Variants in TRHDE observed in about 807,000 individuals in gnomAD.
The protein encoded by TRHDE is thyrotropin releasing hormone degrading enzyme.
A neutral mutation model predicts 125.7 loss-of-function variants in TRHDE; 72 were observed. The ratio of observed to expected loss-of-function variants is 0.57; its 90% confidence interval spans 0.47 to 0.70. TRHDE has a LOEUF of 0.70. Among genes scored for constraint, TRHDE ranks in the 30% least tolerant of loss-of-function variants. The probability of loss-of-function intolerance (pLI) is 0.00; values close to 1 mark genes in which losing one functional copy is unlikely to be tolerated. For missense variants in TRHDE, 1,110 were observed against 1,327.1 expected (o/e 0.84, Z 2.54); for synonymous variants, 509 against 509.1 (o/e 1.00, Z 0.00).
chr12:72,317,927 G>A (rs964781949), intron 2 of TRHDE, among the ~76,000 whole-genome samples: 2 of 152,144 alleles, frequency 1.3e-5, no homozygotes, highest in East Asian at 1.9e-4. Flanking sequence ...GCTGAAGAAC[G>A]AGGCACAGGT....
At chr12:72,462,679 T>C (rs960439085) in intron 3 of TRHDE, among the ~76,000 whole-genome samples, 5 of 152,228 alleles carry the variant, frequency 3.3e-5, no homozygotes, top group South Asian at 2.1e-4. Flanking sequence ...TTCGCTTAGA[T>C]ACTAATTTTC....
At chr12:72,408,390 C>T (rs745772535) in intron 3 of TRHDE, among the ~76,000 whole-genome samples, 4 of 152,088 alleles carry the variant, frequency 2.6e-5, no homozygotes, top group Non-Finnish European at 5.9e-5. Flanking sequence ...TTCTCAGTAT[C>T]CATAGAAACC....
intron 2 of TRHDE, among the ~76,000 whole-genome samples, chr12:72,210,199 T>TATCTATCTATCTATCTATCTATC (rs35245091): frequency 5.0e-4 from 76 of 151,982 alleles, no homozygotes; most frequent in East Asian, 9.7e-4. Context: ...TCTATCTATC[T>TATCTATCTATCTATCTATCTATC]ATCTATCTAC....
intron 2 of TRHDE, among the ~76,000 whole-genome samples, chr12:72,204,559 T>G (rs1241359503): frequency 6.6e-6 from 1 of 152,172 alleles, no homozygotes; most frequent in Non-Finnish European, 1.5e-5. Context: ...CTAACTTAAT[T>G]GATTAATTAT....
rs187949759 is a variant in TRHDE at position 72,621,384 on chromosome 12, C to A, written c.2567+179C>A. The A allele has an allele frequency of 4.2e-4, 251 of 591,114 alleles. 2 individuals carry two copies. The highest frequency in any genetic ancestry group is 2.8e-3 in the Admixed American group (86 of 30,310). The allele number at this position is 591,114 out of a possible 1,614,324, so 36.6% of individuals were successfully genotyped here. A position where few individuals can be genotyped will look rare whatever the true frequency, so the allele number is the denominator to read the frequency against. On this transcript the variant is annotated intron_variant, in intron 14 of 18. Transcript: ENST00000261180. ...AGTTTCCATTGCCTGATCCTGAGAA[C>A]AAAGACGTTTCCTTGCTGTGTTTTA...
intron 3 of TRHDE, among the ~76,000 whole-genome samples, chr12:72,395,866 C>A (rs1273546935): frequency 6.6e-6 from 1 of 152,160 alleles, no homozygotes; most frequent in Non-Finnish European, 1.5e-5. Context: ...TCCCTTCAAA[C>A]CTCTAGTATA....
chr12:72,195,537 G>GT (rs1175437178), intron 2 of TRHDE, among the ~76,000 whole-genome samples: 3 of 152,010 alleles, frequency 2.0e-5, no homozygotes, highest in African/African-American at 7.2e-5. Context: ...TTGGCCACTT[G>GT]TATGTCTTAT....
At chr12:72,532,539 T>C (rs900831913) in intron 6 of TRHDE, among the ~76,000 whole-genome samples, 1 of 151,200 alleles carries the variant, frequency 6.6e-6, no homozygotes, top group African/African-American at 2.4e-5. Flanking sequence ...TTTTAAAGAT[T>C]GCCTTTATTG....
At chr12:72,215,816 G>A (rs563360593) in intron 2 of TRHDE, among the ~76,000 whole-genome samples, 1 of 152,246 alleles carries the variant, frequency 6.6e-6, no homozygotes, top group African/African-American at 2.4e-5. Flanking sequence ...GCTCAGAAAT[G>A]GTTGGAGTCT....
At chr12:72,620,454 C>A (rs78692160) in intron 13 of TRHDE, among the ~76,000 whole-genome samples, 3 of 150,878 alleles carry the variant, frequency 2.0e-5, no homozygotes, top group Admixed American at 6.6e-5. Context: ...ATCTGAGAGG[C>A]GGAGGATGCA....
chr12:72,378,279 A>G (rs1175447673), intron 3 of TRHDE, among the ~76,000 whole-genome samples, 158 bp downstream of exon 3: 4 of 152,198 alleles, frequency 2.6e-5, no homozygotes, highest in Admixed American at 1.3e-4. Flanking sequence ...GAGGTAAAAT[A>G]AGATTTAGTG....
rs140101328 is a variant in TRHDE at position 72,255,194 on chromosome 12, G to T, written n.280-122801G>T. The T allele has an allele frequency of 1.4e-4, 22 of 152,232 alleles. No homozygotes were observed. In the East Asian group the frequency reaches 3.3e-3, roughly 23 times the overall value. The allele number at this position is 152,232 out of a possible 1,614,324, so 9.4% of individuals were successfully genotyped here. On this transcript the variant is annotated intron_variant and non_coding_transcript_variant, in intron 2 of 4. Coordinates refer to the TRHDE transcript ENST00000548156. ...AGCTTTTGCCATCTTAATAAATTGC[G>T]AAGTGGTTTCACCAATAACCAATCC...
intron 2 of TRHDE, among the ~76,000 whole-genome samples, chr12:72,361,045 G>T (rs1224350887): frequency 6.6e-6 from 1 of 151,606 alleles, no homozygotes; most frequent in African/African-American, 2.4e-5. Flanking sequence ...TGTTCTCATT[G>T]TTCGGCTCCC....
At chr12:72,185,485 A>C (rs1877187473) in intron 2 of TRHDE, among the ~76,000 whole-genome samples, 1 of 152,246 alleles carries the variant, frequency 6.6e-6, no homozygotes, top group Non-Finnish European at 1.5e-5. Context: ...TGCGGGATCC[A>C]CTAGGTGAAG....
intron 2 of TRHDE, among the ~76,000 whole-genome samples, chr12:72,238,639 C>T (rs12314809): frequency 0.045 from 6,748 of 151,438 alleles, 392 homozygotes; most frequent in African/African-American, 0.13. Flanking sequence ...TGAGAACATG[C>T]GGTGTTTGGT....
intron 6 of TRHDE, among the ~76,000 whole-genome samples, chr12:72,502,228 C>T (rs1008094730): frequency 7.9e-5 from 12 of 151,940 alleles, no homozygotes; most frequent in Non-Finnish European, 1.3e-4. Flanking sequence ...TCTCTACTTT[C>T]CTAAGGTAGA....
rs1327066718 is a variant in TRHDE at position 72,670,055 on chromosome 12, A to G, written c.*6860A>G. ...TTATTAGATAATCTTTAAAAATATT[A>G]TGAACTATTTTGAGTGGACCTAAAT... On this transcript the variant is annotated 3_prime_UTR_variant, in exon 19 of 19. Transcript: ENST00000261180. The G allele has an allele frequency of 6.6e-6, 1 of 151,764 alleles. No individual in the cohort carries two copies. The highest frequency in any genetic ancestry group is 1.5e-5 in the Non-Finnish European group (1 of 67,802). 9.4% of individuals were successfully genotyped at this position (151,764 alleles called of 1,614,324 possible). A position where few individuals can be genotyped will look rare whatever the true frequency, so the allele number is the denominator to read the frequency against.
At chr12:72,313,272 C>T (rs909439069) in intron 2 of TRHDE, among the ~76,000 whole-genome samples, 7 of 151,842 alleles carry the variant, frequency 4.6e-5, no homozygotes, top group African/African-American at 1.7e-4. Context: ...AATATTCATA[C>T]AAGTTTTTTT....
At chr12:72,126,255 C>T (rs539285495) in intron 2 of TRHDE, among the ~76,000 whole-genome samples, 29 of 152,172 alleles carry the variant, frequency 1.9e-4, no homozygotes, top group African/African-American at 6.3e-4. Flanking sequence ...ATTAAAAGAT[C>T]GGTGTTGTTA....
Sources: gnomAD v4.1 joint callset for allele counts (sites outside exome capture counted in the v4.1 genomes callset) on GRCh38, gnomAD v4.1.1 for gene constraint, MANE v1.5 for transcripts, NCBI Gene and HGNC (gene_info 2026-07-23, HGNC 2026-07-21) for gene names.